Variants in PCDH15 observed in about 807,000 individuals in gnomAD.
PCDH15 encodes the protein protocadherin related 15.
PCDH15 carries 129 observed loss-of-function variants against 178.5 expected under a neutral mutation model. The observed-to-expected ratio is 0.72, with a 90% CI of 0.63 to 0.84. PCDH15 has a LOEUF of 0.84. Ranked by LOEUF, PCDH15 falls within the 40% of genes least tolerant of loss-of-function variation. PCDH15 has a pLI of 0.00. For missense variants in PCDH15, 2,230 were observed against 2,099.9 expected (o/e 1.06, Z -1.21); for synonymous variants, 800 against 732.0 (o/e 1.09, Z -1.50).
chr10:54,025,577 C>T (rs777013302), intron 18 of PCDH15, among the ~76,000 whole-genome samples: 36 of 151,298 alleles, frequency 2.4e-4, no homozygotes, highest in Admixed American at 5.3e-4. Flanking sequence ...CGGCTCACTG[C>T]AACCTCCGCC....
intron 20 of PCDH15, among the ~76,000 whole-genome samples, chr10:54,008,370 T>A (rs1030113249): frequency 6.6e-6 from 1 of 152,120 alleles, no homozygotes; most frequent in Non-Finnish European, 1.5e-5. Flanking sequence ...CAGCTGCTGA[T>A]GTAGAAGCGT....
chr10:54,051,548 C>T (rs1244571312), intron 18 of PCDH15, among the ~76,000 whole-genome samples: 1 of 152,136 alleles, frequency 6.6e-6, no homozygotes, highest in Non-Finnish European at 1.5e-5. Flanking sequence ...GAACTTTAAA[C>T]TTGAGAGAGA....
At chr10:55,043,656 G>A (rs1840924533) in intron 2 of PCDH15, among the ~76,000 whole-genome samples, 2 of 151,882 alleles carry the variant, frequency 1.3e-5, no homozygotes, top group South Asian at 4.1e-4. Flanking sequence ...GCTACAGTTA[G>A]CCATGATTGT....
At chr10:55,491,712 T>G in intron 2 of PCDH15, among the ~76,000 whole-genome samples, 1 of 150,648 alleles carries the variant, frequency 6.6e-6, no homozygotes. Flanking sequence ...CTTCAAATTC[T>G]GTTCTAAATA....
intron 2 of PCDH15, among the ~76,000 whole-genome samples, chr10:55,397,219 G>T (rs1183669693): frequency 6.6e-6 from 1 of 152,016 alleles, no homozygotes; most frequent in Non-Finnish European, 1.5e-5. Flanking sequence ...AAAGCTTGAG[G>T]GACAATTGAA....
intron 15 of PCDH15, among the ~76,000 whole-genome samples, chr10:54,108,449 C>G (rs1437268550): frequency 3.9e-5 from 6 of 152,144 alleles, no homozygotes; most frequent in African/African-American, 1.4e-4. Context: ...TAAACCAATC[C>G]TATCCAGAGG....
intron 3 of PCDH15, among the ~76,000 whole-genome samples, chr10:54,822,248 T>C (rs1953054811): frequency 6.6e-6 from 1 of 152,182 alleles, no homozygotes; most frequent in Non-Finnish European, 1.5e-5. Context: ...CACTGTCCTA[T>C]TCCTTTTAAC....
At chr10:54,828,189 C>A (rs768332476) in intron 3 of PCDH15, among the ~76,000 whole-genome samples, 1 of 151,830 alleles carries the variant, frequency 6.6e-6, no homozygotes, top group East Asian at 1.9e-4. Context: ...CATTAATATA[C>A]CTTGGCTTGG....
At chr10:54,494,271 T>C (rs2079902601) in intron 3 of PCDH15, among the ~76,000 whole-genome samples, 1 of 152,078 alleles carries the variant, frequency 6.6e-6, no homozygotes, top group Non-Finnish European at 1.5e-5. Flanking sequence ...CCCACCCTTT[T>C]GTATTCCAGA....
At chr10:55,341,355 C>G (rs994128061) in intron 2 of PCDH15, among the ~76,000 whole-genome samples, 2 of 151,886 alleles carry the variant, frequency 1.3e-5, no homozygotes, top group Admixed American at 1.3e-4. Flanking sequence ...AAGTAAGTAA[C>G]TATCATACTC....
intron 21 of PCDH15, among the ~76,000 whole-genome samples, chr10:53,971,210 A>G (rs1259927032): frequency 6.6e-6 from 1 of 152,234 alleles, no homozygotes; most frequent in African/African-American, 2.4e-5. Context: ...CAATAGATGC[A>G]GAAAAGGCAT....
At chr10:53,864,372 C>T (rs2079303363) in intron 27 of PCDH15, among the ~76,000 whole-genome samples, 1 of 152,178 alleles carries the variant, frequency 6.6e-6, no homozygotes, top group South Asian at 2.1e-4. Flanking sequence ...TCCCCACACC[C>T]CACCTGAGTA....
chr10:55,467,081 T>C (rs1174547357), intron 2 of PCDH15, among the ~76,000 whole-genome samples: 5 of 152,200 alleles, frequency 3.3e-5, no homozygotes, highest in African/African-American at 1.2e-4. Flanking sequence ...TTCCCAGGGA[T>C]TGAGTACACC....
intron 9 of PCDH15, among the ~76,000 whole-genome samples, chr10:54,216,317 G>A (rs189742961): frequency 2.3e-4 from 35 of 151,436 alleles, no homozygotes; most frequent in African/African-American, 7.3e-4. Context: ...TTAGCTGGGC[G>A]TGATGGCGCA....
At chr10:54,725,533 AATATAATTATAT>A (rs1009293002) in intron 1 of PCDH15, among the ~76,000 whole-genome samples, 2 of 128,014 alleles carry the variant, frequency 1.6e-5, no homozygotes, top group Non-Finnish European at 3.7e-5. Flanking sequence ...TGTTTATATA[AATATAATTATAT>A]ATATAATTAT....
rs533873468 is a variant in PCDH15 at position 54,283,247 on chromosome 10, G to A, written c.876+34024C>T. ...TTTGTTTGAAGAGGAATAGTAGAAG[G>A]AGCATTTGTCACTCTTATTTCACCT... On this transcript the variant is annotated intron_variant, in intron 8 of 37. Transcript: ENST00000644397. 2.8e-4 allele frequency among the ~76,000 whole-genome samples: 43 copies of A among 152,214 alleles called. 2 individuals are homozygous for A. The South Asian group carries it at 8.7e-3, about 31-fold the overall frequency.
chr10:54,746,052 T>A (rs558608586), intron 1 of PCDH15, among the ~76,000 whole-genome samples: 84 of 152,260 alleles, frequency 5.5e-4, no homozygotes, highest in African/African-American at 1.9e-3. Context: ...TTCCACCTAT[T>A]AATTTGTTAG....
Position 53,809,534 on chromosome 10 carries a change from T to C in PCDH15, c.4671+1022A>G, listed in dbSNP as rs374663385. 2.5e-6 allele frequency: 4 copies of C among 1,607,992 alleles called. No individual in the cohort carries two copies. In the African/African-American group the frequency reaches 5.4e-5, roughly 22 times the overall value. ...ATTTCAACCTTTGGTTTTTTAATTT[T>C]CTTTGGCTCTTCCTGAAAATTGTGA... On this transcript the variant is annotated intron_variant, in intron 37 of 37. Transcript: ENST00000644397.
intron 9 of PCDH15, among the ~76,000 whole-genome samples, chr10:54,224,393 C>A (rs1476099230): frequency 6.6e-6 from 1 of 152,100 alleles, no homozygotes; most frequent in Admixed American, 6.6e-5. Context: ...AAACACATGT[C>A]TAAGTTCAAG....
Sources: allele counts gnomAD v4.1 joint callset (sites outside exome capture counted in the v4.1 genomes callset), GRCh38; gene constraint gnomAD v4.1.1; transcripts MANE v1.5; gene names NCBI Gene and HGNC (gene_info 2026-07-23, HGNC 2026-07-21).